Variants in SOX5 observed in about 807,000 individuals in gnomAD.
SOX5 encodes transcription factor SOX-5.
A neutral mutation model predicts 92.0 loss-of-function variants in SOX5; 9 were observed. The observed-to-expected ratio is 0.10, with a 90% CI of 0.06 to 0.17. The LOEUF (loss-of-function observed/expected upper bound fraction) is 0.17. Ranked by LOEUF, SOX5 falls within the 10% of genes least tolerant of loss-of-function variation. The probability of loss-of-function intolerance (pLI) is 1.00; values close to 1 mark genes in which losing one functional copy is unlikely to be tolerated. For synonymous variants in SOX5, 344 were observed against 336.3 expected (o/e 1.02, Z -0.25); for missense variants, 642 against 944.5 (o/e 0.68, Z 4.20).
chr12:24,243,078 T>C (rs995734446), intron 3 of SOX5, among the ~76,000 whole-genome samples: 2 of 152,126 alleles, frequency 1.3e-5, no homozygotes, highest in African/African-American at 4.8e-5. Flanking sequence ...AAAAATGGGA[T>C]TATGAAGGTT....
intron 9 of SOX5, among the ~76,000 whole-genome samples, chr12:23,600,770 C>T (rs930619255): frequency 2.0e-5 from 3 of 151,352 alleles, no homozygotes; most frequent in Non-Finnish European, 4.4e-5. Flanking sequence ...TCCAGTGTGC[C>T]GTTTTCAGAG....
chr12:23,585,463 T>G (rs1950593218), intron 9 of SOX5, among the ~76,000 whole-genome samples: 1 of 152,128 alleles, frequency 6.6e-6, no homozygotes, highest in Non-Finnish European at 1.5e-5. Flanking sequence ...TTCATTCCAT[T>G]CATTACAGAT....
At chr12:23,596,202 A>T (rs1433724760) in intron 9 of SOX5, among the ~76,000 whole-genome samples, 1 of 152,032 alleles carries the variant, frequency 6.6e-6, no homozygotes, top group East Asian at 1.9e-4. Flanking sequence ...TCCAACCCTC[A>T]TGTCTACCTC....
chr12:23,723,285 T>C (rs1344471664), intron 6 of SOX5, among the ~76,000 whole-genome samples: 2 of 152,092 alleles, frequency 1.3e-5, no homozygotes, highest in Non-Finnish European at 2.9e-5. Context: ...AAACTCAATC[T>C]TTCCAACTTA....
At chr12:24,143,306 T>TA (rs1443565770) in intron 4 of SOX5, among the ~76,000 whole-genome samples, 8 of 151,816 alleles carry the variant, frequency 5.3e-5, no homozygotes, top group Admixed American at 1.3e-4. Context: ...GGTATCCAAT[T>TA]AAAAAAAATA....
At chr12:23,918,995 T>TA (rs201976429) in intron 1 of SOX5, among the ~76,000 whole-genome samples, 6,117 of 151,736 alleles carry the variant, frequency 0.04, 169 homozygotes, top group Middle Eastern at 0.083. Context: ...AAATTGTATT[T>TA]AAAAAATCAC....
At chr12:24,442,827 C>G (rs1470860032) in intron 1 of SOX5, among the ~76,000 whole-genome samples, 1 of 152,094 alleles carries the variant, frequency 6.6e-6, no homozygotes, top group Admixed American at 6.5e-5. Flanking sequence ...ATGACATTAG[C>G]TTTTATTCTG....
At chr12:23,637,574 T>C (rs940382146) in intron 8 of SOX5, among the ~76,000 whole-genome samples, 11 of 152,134 alleles carry the variant, frequency 7.2e-5, no homozygotes, top group African/African-American at 2.2e-4. Flanking sequence ...GTGAGGGAGC[T>C]GAGGAGAGAG....
intron 1 of SOX5, among the ~76,000 whole-genome samples, chr12:23,933,072 C>T (rs982398568): frequency 6.6e-6 from 1 of 151,562 alleles, no homozygotes; most frequent in Non-Finnish European, 1.5e-5. Context: ...GTATTAGATC[C>T]CCTTTTACAT....
chr12:24,133,814 A>C (rs967282585), intron 4 of SOX5, among the ~76,000 whole-genome samples: 3 of 152,192 alleles, frequency 2.0e-5, no homozygotes, highest in Admixed American at 2.0e-4. Flanking sequence ...AACCCAATTA[A>C]AAAGAAAACA....
At chr12:24,132,518 T>C (rs988446364) in intron 4 of SOX5, among the ~76,000 whole-genome samples, 5 of 152,036 alleles carry the variant, frequency 3.3e-5, no homozygotes, top group African/African-American at 1.2e-4. Flanking sequence ...GGGAAAACAA[T>C]GGAAAGAGAA....
chr12:24,368,348 C>T (rs1284788029), intron 2 of SOX5: 1 of 152,142 alleles, frequency 6.6e-6, no homozygotes, highest in Admixed American at 6.6e-5. Flanking sequence ...ACTACAGAAT[C>T]TACAAAAATT....
intron 1 of SOX5, among the ~76,000 whole-genome samples, chr12:24,471,524 A>G (rs1205204829): frequency 6.6e-6 from 1 of 152,184 alleles, no homozygotes; most frequent in Non-Finnish European, 1.5e-5. Flanking sequence ...AGATTAAGTT[A>G]CCTCATACTG....
intron 4 of SOX5, among the ~76,000 whole-genome samples, chr12:24,035,022 C>A (rs76168317): frequency 0.045 from 6,816 of 152,138 alleles, 172 homozygotes; most frequent in Admixed American, 0.065. Flanking sequence ...CTCAAAGTCT[C>A]CCAAATCCTG....
intron 2 of SOX5, among the ~76,000 whole-genome samples, chr12:24,320,574 T>A (rs1470716096): frequency 1.3e-5 from 2 of 152,126 alleles, no homozygotes; most frequent in Non-Finnish European, 2.9e-5. Flanking sequence ...TTAAATAAGA[T>A]CCACTGTGCG....
intron 1 of SOX5, among the ~76,000 whole-genome samples, chr12:24,521,644 A>G (rs1024144841): frequency 1.3e-5 from 2 of 152,204 alleles, no homozygotes; most frequent in Non-Finnish European, 2.9e-5. Context: ...TTAGAAATCA[A>G]TAACAGCAAG....
intron 6 of SOX5, among the ~76,000 whole-genome samples, chr12:23,709,890 A>G (rs1340914773): frequency 6.6e-6 from 1 of 152,192 alleles, no homozygotes; most frequent in Non-Finnish European, 1.5e-5. Context: ...CAGCATATTA[A>G]TTCTAGTGTT....
intron 3 of SOX5, among the ~76,000 whole-genome samples, chr12:24,234,752 A>G (rs1037172239): frequency 6.6e-6 from 1 of 152,154 alleles, no homozygotes; most frequent in Non-Finnish European, 1.5e-5. Context: ...AGGATTCTTA[A>G]TGTTTATAGA....
At chr12:24,176,344 A>T (rs140193456) in intron 4 of SOX5, among the ~76,000 whole-genome samples, 2,922 of 152,230 alleles carry the variant, frequency 0.019, 99 homozygotes, top group African/African-American at 0.066. Context: ...AGAAAAAAAA[A>T]TAACAAAACA....
Sources: gnomAD v4.1 joint callset for allele counts (sites outside exome capture counted in the v4.1 genomes callset) on GRCh38, gnomAD v4.1.1 for gene constraint, MANE v1.5 for transcripts, NCBI Gene and HGNC (gene_info 2026-07-23, HGNC 2026-07-21) for gene names.